Variants in DUS3L observed in about 807,000 individuals in gnomAD.
The protein encoded by DUS3L is dihydrouridine synthase 3 like.
A neutral mutation model predicts 74.6 loss-of-function variants in DUS3L; 62 were observed. The observed-to-expected ratio is 0.83, with a 90% CI of 0.68 to 1.03. The LOEUF (loss-of-function observed/expected upper bound fraction) is 1.03. Among genes scored for constraint, DUS3L ranks in the 50% least tolerant of loss-of-function variants. The probability of loss-of-function intolerance (pLI) is 0.00; values close to 1 mark genes in which losing one functional copy is unlikely to be tolerated. For missense variants in DUS3L, 884 were observed against 924.4 expected, an observed-to-expected ratio of 0.96 and a Z score of 0.57; for synonymous variants, 433 against 395.7, an observed-to-expected ratio of 1.09 and a Z score of -1.12.
rs1401654634 is a variant in DUS3L at position 5,787,691 on chromosome 19, G to T, written c.1110C>A (p.Phe370Leu). ...CGGCACACTTGGTCATGGTGTCGGG[G>T]AAGGCGCCCTCCAGCTGTAGGTGGG... ...DIFGVQLEGA[F>L]PDTMTKCAEL... is the part of the protein sequence containing the mutation. The change falls in exon 6 of 13, where the codon TTC becomes TTA. Residue 370 changes from phenylalanine to leucine, a missense_variant. Coordinates refer to ENST00000309061, the MANE Select transcript of DUS3L (RefSeq NM_020175.3). The T allele has an allele frequency of 6.2e-7, 1 of 1,613,390 alleles. No homozygotes were observed. Among genetic ancestry groups the T allele is most frequent in the Admixed American group, 1.7e-5 (1 of 59,998 alleles).
chr19:5,789,347 C>T lies in DUS3L; in HGVS notation c.760G>A (p.Ala254Thr), dbSNP rs759410475. Reference sequence around the variant, plus strand: ...GCACCACAGTTTTCCTGCCTGGGAGCGCCCTCGGCTGCCGTGCCCTCGGGG... The same window carrying T: ...GCACCACAGTTTTCCTGCCTGGGAGTGCCCTCGGCTGCCGTGCCCTCGGGG... ...AVPEGTAAEG[A>T]PRQENCGAQQ... is the part of the protein sequence containing the mutation. The change falls in exon 3 of 13, where the codon GCT (alanine) becomes ACT (threonine). Residue 254 changes from alanine (A) to threonine (T), a missense_variant. By Grantham distance (58) the Ala-to-Thr change is moderately conservative. Coordinates refer to ENST00000309061, the MANE Select transcript of DUS3L (RefSeq NM_020175.3). 4 of 1,599,718 alleles carry T rather than the reference C, an allele frequency of 2.5e-6. No individual in the cohort carries two copies. Among genetic ancestry groups the T allele is most frequent in the South Asian group, 2.2e-5 (2 of 89,618 alleles).
rs749879529 is a variant in DUS3L at position 5,789,491 on chromosome 19, T to G, written c.616A>C (p.Ile206Leu). 4.4e-6 allele frequency: 7 copies of G among 1,604,712 alleles called. No homozygotes were observed. Among genetic ancestry groups the G allele is most frequent in the Non-Finnish European group, 5.9e-6 (7 of 1,179,036 alleles). The change falls in exon 3 of 13, where the codon ATC becomes CTC. Residue 206 changes from isoleucine (I) to leucine (L), a missense_variant. Physicochemically the swap from Ile to Leu is conservative, Grantham distance 5. Coordinates refer to ENST00000309061, the MANE Select transcript of DUS3L (RefSeq NM_020175.3). ...AGGGCTTTGTCCAGGCCGTTGCGGA[T>G]GGACGGGGGCTGGGTCCCGCGGGCC... The part of the protein sequence containing the change: ...LAARGTQPPS[I>L]RNGLDKALQQ...
intron 2 of DUS3L, 147 bp downstream of exon 2, chr19:5,789,900 C>G: frequency 1.5e-6 from 2 of 1,318,928 alleles, no homozygotes; most frequent in South Asian, 1.4e-5. Flanking sequence ...TACAATGTAT[C>G]CCGAGGAGAA....
At chr19:5,788,429 C>G in intron 3 of DUS3L, 31 bp from the exon 4 acceptor site, 10 of 1,603,362 alleles carry the variant, frequency 6.2e-6, no homozygotes, top group Non-Finnish European at 8.5e-6. Flanking sequence ...ACAAGTGGAG[C>G]TTGGCCTCCA....
chr19:5,790,445 C>T, intron 1 of DUS3L, 110 bp from the exon 2 acceptor site: 1 of 1,375,096 alleles, frequency 7.3e-7, no homozygotes, highest in South Asian at 1.3e-5. Flanking sequence ...ATGGGGAGCT[C>T]ACTACTTAAG....
Position 5,789,384 on chromosome 19 carries a change from G to A in DUS3L, c.723C>T (p.Pro241=), listed in dbSNP as rs1173714241. ...CCGTGCCCTCGGGGACAGCGGCAGC[G>A]GGTGTGGGGCCCTGGCTGAACCGGC... The part of the protein sequence containing the change: ...ALRRFSQGPT[P]AAAVPEGTAA... The change falls in exon 3 of 13, where the codon CCC becomes CCT. Residue 241 remains proline, a synonymous_variant. Transcript: ENST00000309061. 2.5e-6 allele frequency: 4 copies of A among 1,592,356 alleles called. No individual in the cohort carries two copies. Among genetic ancestry groups the A allele is most frequent in the East Asian group, 2.3e-5 (1 of 44,174 alleles).
At chr19:5,785,924 A>G (rs2446193) in intron 10 of DUS3L, 133 bp from the exon 11 acceptor site, 200,320 of 939,114 alleles carry the variant, frequency 0.21, 28,269 homozygotes, top group African/African-American at 0.55. Context: ...TCCCAGCTGC[A>G]TGCACACAAC....
chr19:5,789,265 G>A lies in DUS3L; in HGVS notation c.842C>T (p.Thr281Ile), dbSNP rs567741133. ...TSTPPSSPVR[T>I]CGPLTDEDVV... ...GTCCTCATCCGTCAGGGGCCCGCAG[G>A]TCCGCACGGGGCTGCTGGGAGGGGT... Residue 281 changes from threonine (T) to isoleucine (I), a missense_variant, in exon 3 of 13, where the codon ACC becomes ATC. Physicochemically the swap from Thr to Ile is moderately conservative, Grantham distance 89. Transcript: ENST00000309061. 4.4e-6 allele frequency: 7 copies of A among 1,578,884 alleles called. No individual in the cohort carries two copies. In the East Asian group the frequency reaches 1.1e-4, roughly 25 times the overall value.
At chr19:5,787,917 C>G (rs1319621129) in intron 5 of DUS3L, 107 bp downstream of exon 5, 1 of 1,527,890 alleles carries the variant, frequency 6.5e-7, no homozygotes, top group Admixed American at 1.9e-5. Flanking sequence ...CACTCCACAG[C>G]TGAGGCCAGG....
At chr19:5,791,003 G>A (rs1442170972) in intron 1 of DUS3L, 41 bp downstream of exon 1, 5 of 1,551,402 alleles carry the variant, frequency 3.2e-6, no homozygotes, top group South Asian at 1.2e-5. Flanking sequence ...TATGGGTGCC[G>A]GAAAAGGCCC....
intron 3 of DUS3L, 86 bp from the exon 4 acceptor site, chr19:5,788,484 A>T: frequency 6.7e-7 from 1 of 1,501,760 alleles, no homozygotes; most frequent in Non-Finnish European, 9.0e-7. Flanking sequence ...CCCACAGTCT[A>T]GGACACACTT....
intron 2 of DUS3L, 149 bp downstream of exon 2, chr19:5,789,898 A>G (rs1364609774): frequency 7.6e-7 from 1 of 1,314,454 alleles, no homozygotes; most frequent in African/African-American, 1.5e-5. Context: ...CCTACAATGT[A>G]TCCCGAGGAG....
chr19:5,788,162 G>A lies in DUS3L; in HGVS notation c.957C>T (p.Pro319=), dbSNP rs1295016522. The change falls in exon 5 of 13, where the codon CCC becomes CCT. Residue 319 remains proline, a synonymous_variant. Coordinates refer to ENST00000309061, the MANE Select transcript of DUS3L (RefSeq NM_020175.3). The part of the protein sequence containing the change: ...LAPLTTCGNL[P]FRRICKRFGA... ...CGAAGCGCTTGCAGATCCGTCGGAA[G>A]GGCAGGTTCCCACACTGCGGGGGGA... 6 of 1,613,488 alleles carry A rather than the reference G, an allele frequency of 3.7e-6. No individual in the cohort carries two copies. Among genetic ancestry groups the A allele is most frequent in the Non-Finnish European group, 5.1e-6 (6 of 1,180,032 alleles).
chr19:5,786,371 C>A, intron 10 of DUS3L, 96 bp downstream of exon 10: 2 of 1,235,750 alleles, frequency 1.6e-6, no homozygotes, highest in Non-Finnish European at 1.1e-6. Context: ...TTGGGACCAA[C>A]AGCCCACCAC....
chr19:5,787,716 G>A lies in DUS3L; in HGVS notation c.1096-11C>T, dbSNP rs1193134844. The A allele has an allele frequency of 2.5e-6, 4 of 1,612,124 alleles. No individual in the cohort carries two copies. The highest frequency in any genetic ancestry group is 3.4e-6 in the Non-Finnish European group (4 of 1,179,536). ...GAAGGCGCCCTCCAGCTGTAGGTGG[G>A]TAGTGGCAGAACAGGAGGGTGAGGG... On this transcript the variant is annotated splice_polypyrimidine_tract_variant and intron_variant, in intron 5 of 12. Transcript: ENST00000309061.
At position 5,787,082 on chromosome 19, in the gene DUS3L, G is replaced by A. The variant is rs761803957; in HGVS notation, c.1368C>T (p.Asp456=). 3.2e-6 allele frequency: 5 copies of A among 1,548,972 alleles called. No individual in the cohort carries two copies. Among genetic ancestry groups the A allele is most frequent in the Middle Eastern group, 1.9e-4 (1 of 5,238 alleles). The stretch of plus-strand genomic sequence containing the variant: ...CCACCGTGACGAGTGCCACGCCCCA[G>A]TCCCGCAGCTCGGGCAGCAGGCGGT... ...LAHRLLPELR[D]WGVALVTLHG... is the part of the protein sequence containing the mutation. The change falls in exon 8 of 13, where the codon GAC becomes GAT. Residue 456 remains aspartate (D), a synonymous_variant. Transcript: ENST00000309061.
rs765708825 is a variant in DUS3L at position 5,790,118 on chromosome 19, G to C, written c.316C>G (p.Gln106Glu). The change falls in exon 2 of 13, where the codon CAA (glutamine) becomes GAA (glutamate). Residue 106 changes from glutamine (Q) to glutamate (E), a missense_variant. Coordinates refer to ENST00000309061, the MANE Select transcript of DUS3L (RefSeq NM_020175.3). Reference sequence around the variant, plus strand: ...TTCACATGGGGCCGGCCCTTGTTTTGTCCCCGGGCCCTCTTCTGAGTCTGT... The same window carrying C: ...TTCACATGGGGCCGGCCCTTGTTTTCTCCCCGGGCCCTCTTCTGAGTCTGT... ...QLQTQKRARG[Q>E]NKGRPHVKPT... is the part of the protein sequence containing the mutation. 8 of 1,614,074 alleles carry C rather than the reference G, an allele frequency of 5.0e-6. No individual in the cohort carries two copies. Among genetic ancestry groups the C allele is most frequent in the Non-Finnish European group, 6.8e-6 (8 of 1,179,996 alleles).
intron 7 of DUS3L, 54 bp downstream of exon 7, chr19:5,787,242 A>ATGGCGGGAGGTGGTGGGAGAC: frequency 2.1e-6 from 1 of 482,628 alleles, no homozygotes; most frequent in Non-Finnish European, 2.8e-6. Flanking sequence ...GTGGTGGGAG[A>ATGGCGGGAGGTGGTGGGAGAC]CAGGGCCCGG....
intron 1 of DUS3L, 179 bp downstream of exon 1, chr19:5,790,864 CA>C (rs1473873999): frequency 3.1e-6 from 2 of 641,230 alleles, no homozygotes; most frequent in Non-Finnish European, 5.5e-6. Context: ...TGACAGGCCC[CA>C]ACGTGCACGA....
Sources: gnomAD v4.1 joint callset for allele counts on GRCh38, gnomAD v4.1.1 for gene constraint, MANE v1.5 for transcripts, NCBI Gene and HGNC (gene_info 2026-07-23, HGNC 2026-07-21) for gene names.